The following CPED1 variants were observed in gnomAD, a reference collection of about 807,000 sequenced individuals.
CPED1 encodes the protein cadherin-like and PC-esterase domain-containing protein 1.
In CPED1, 114 loss-of-function variants were observed where a neutral mutation model predicts 128.2. The ratio of observed to expected loss-of-function variants is 0.89; its 90% CI spans 0.76 to 1.04. The LOEUF (loss-of-function observed/expected upper bound fraction) is 1.04, where lower values mean the gene tolerates loss of function less well. CPED1 is among the 50% of genes least tolerant of loss of function. CPED1 has a pLI of 0.00. For missense variants in CPED1, 1,211 were observed against 1,207.1 expected (o/e 1.00, Z -0.05); for synonymous variants, 462 against 426.7 (o/e 1.08, Z -1.02).
intron 16 of CPED1, among the ~76,000 whole-genome samples, chr7:121,227,334 A>G (rs1308247405): frequency 1.3e-5 from 2 of 152,038 alleles, no homozygotes; most frequent in African/African-American, 2.4e-5. Flanking sequence ...TGTTTATCAC[A>G]TGCTGAGGAC....
chr7:121,239,503 A>G (rs1798338482), intron 17 of CPED1, among the ~76,000 whole-genome samples: 2 of 152,202 alleles, frequency 1.3e-5, no homozygotes, highest in Admixed American at 1.3e-4. Context: ...ACTTTAAGGA[A>G]AATATTTCAG....
intron 16 of CPED1, among the ~76,000 whole-genome samples, chr7:121,225,334 G>A (rs1584611788): frequency 6.6e-6 from 1 of 152,130 alleles, no homozygotes; most frequent in South Asian, 2.1e-4. Flanking sequence ...GGTTTCTGCC[G>A]AGAGATCCAC....
chr7:120,991,501 G>C (rs1299187441), intron 2 of CPED1, among the ~76,000 whole-genome samples: 21 of 152,182 alleles, frequency 1.4e-4, no homozygotes, highest in Admixed American at 1.2e-3. Context: ...AGTTGAGATA[G>C]TCTTGCTCTT....
intron 12 of CPED1, among the ~76,000 whole-genome samples, chr7:121,132,521 G>A (rs561431251): frequency 6.6e-6 from 1 of 152,014 alleles, no homozygotes; most frequent in African/African-American, 2.4e-5. Context: ...ACAATACCAG[G>A]TAATAGTTAT....
intron 16 of CPED1, among the ~76,000 whole-genome samples, chr7:121,191,803 AC>A (rs1047919085): frequency 3.3e-5 from 5 of 152,148 alleles, no homozygotes; most frequent in African/African-American, 1.2e-4. Flanking sequence ...TATTATTTGA[AC>A]AATTCAGTTT....
intron 5 of CPED1, among the ~76,000 whole-genome samples, chr7:121,092,494 G>A (rs1009165560): frequency 6.6e-6 from 1 of 152,118 alleles, no homozygotes; most frequent in African/African-American, 2.4e-5. Flanking sequence ...AAAAAAATTA[G>A]AATCTTTGCC....
At chr7:120,998,881 G>T (rs1396037033) in intron 2 of CPED1, among the ~76,000 whole-genome samples, 1 of 151,826 alleles carries the variant, frequency 6.6e-6, no homozygotes, top group Non-Finnish European at 1.5e-5. Flanking sequence ...ATGGGGAGGA[G>T]TGAGTTCAGT....
At chr7:121,036,507 A>ATT (rs1302763163) in intron 3 of CPED1, among the ~76,000 whole-genome samples, 2,596 of 133,780 alleles carry the variant, frequency 0.019, 35 homozygotes, top group East Asian at 0.037. Context: ...ATATATATAT[A>ATT]TTTTTTTTTT....
intron 4 of CPED1, among the ~76,000 whole-genome samples, chr7:121,063,168 C>T (rs1793724060): frequency 6.6e-6 from 1 of 152,004 alleles, no homozygotes; most frequent in African/African-American, 2.4e-5. Flanking sequence ...CTTCTTACAG[C>T]TATTATCGGG....
chr7:121,279,174 A>C (rs1541509), intron 22 of CPED1, among the ~76,000 whole-genome samples: 36,435 of 151,996 alleles, frequency 0.24, 5,003 homozygotes, highest in Non-Finnish European at 0.32. Flanking sequence ...AATAATCCCA[A>C]AAGTTCTTAC....
intron 16 of CPED1, among the ~76,000 whole-genome samples, chr7:121,172,890 T>C (rs1348967942): frequency 6.6e-6 from 1 of 152,212 alleles, no homozygotes; most frequent in Non-Finnish European, 1.5e-5. Flanking sequence ...ACAGATTTTG[T>C]ATTGACAGCT....
chr7:121,094,902 G>T (rs1263781464), intron 5 of CPED1, among the ~76,000 whole-genome samples: 1 of 152,042 alleles, frequency 6.6e-6, no homozygotes, highest in Non-Finnish European at 1.5e-5. Flanking sequence ...AGGCTTCAGG[G>T]CTCTCTAAAA....
At chr7:121,164,908 ATTG>A (rs1796489618) in intron 16 of CPED1, among the ~76,000 whole-genome samples, 1 of 152,160 alleles carries the variant, frequency 6.6e-6, no homozygotes, top group Non-Finnish European at 1.5e-5. Context: ...CTAGTCCTAT[ATTG>A]TTCACTCTGT....
chr7:121,070,853 C>T (rs934967254), intron 5 of CPED1, among the ~76,000 whole-genome samples: 20 of 152,046 alleles, frequency 1.3e-4, no homozygotes, highest in Non-Finnish European at 2.5e-4. Flanking sequence ...CCCACCAGTT[C>T]GTAAATAACT....
At chr7:121,026,253 G>A (rs1792578685) in intron 3 of CPED1, among the ~76,000 whole-genome samples, 1 of 152,118 alleles carries the variant, frequency 6.6e-6, no homozygotes, top group Non-Finnish European at 1.5e-5. Context: ...AAGTTTTCAA[G>A]AGAAACTGGC....
At chr7:121,139,664 G>A (rs1261052704) in intron 14 of CPED1, among the ~76,000 whole-genome samples, 2 of 152,008 alleles carry the variant, frequency 1.3e-5, no homozygotes, top group Non-Finnish European at 2.9e-5. Flanking sequence ...ACTTGACTCT[G>A]GAAATGATGA....
At chr7:121,098,900 A>G (rs1794771488) in intron 6 of CPED1, among the ~76,000 whole-genome samples, 1 of 149,302 alleles carries the variant, frequency 6.7e-6, no homozygotes, top group Non-Finnish European at 1.5e-5. Flanking sequence ...ACATTTAGAA[A>G]TATGATGTAG....
chr7:121,090,864 G>A (rs1052808985), intron 5 of CPED1, among the ~76,000 whole-genome samples: 14 of 152,058 alleles, frequency 9.2e-5, no homozygotes, highest in Middle Eastern at 3.4e-3. Flanking sequence ...CACAAGAATC[G>A]CTTGAACCCA....
intron 16 of CPED1, among the ~76,000 whole-genome samples, chr7:121,186,962 G>A (rs2116514977): frequency 6.6e-6 from 1 of 152,228 alleles, no homozygotes; most frequent in East Asian, 1.9e-4. Flanking sequence ...TGCAGCATAG[G>A]CTATAAACTG....
Sources: gnomAD v4.1 joint callset for allele counts (sites outside exome capture counted in the v4.1 genomes callset) on GRCh38, gnomAD v4.1.1 for gene constraint, MANE v1.5 for transcripts, NCBI Gene and HGNC (gene_info 2026-07-23, HGNC 2026-07-21) for gene names.